Variants in PHF19 observed in about 807,000 individuals in gnomAD.
PHF19 encodes the protein PHD finger protein 19.
Under a neutral mutation model 79.8 loss-of-function variants are expected in PHF19, and 21 were observed. The observed-to-expected ratio is 0.26, with a 90% CI of 0.19 to 0.38. The LOEUF (loss-of-function observed/expected upper bound fraction) is 0.38. Ranked by LOEUF, PHF19 falls within the 10% of genes least tolerant of loss-of-function variation. The probability of loss-of-function intolerance (pLI) is 1.00; values close to 1 mark genes in which losing one functional copy is unlikely to be tolerated. For synonymous variants in PHF19, 273 were observed against 296.3 expected (o/e 0.92, Z 0.81); for missense variants, 445 against 744.2 (o/e 0.60, Z 4.68).
Position 120,866,453 on chromosome 9 carries a change from T to C in PHF19, c.711-357A>G, listed in dbSNP as rs1355231261. Among the ~76,000 whole-genome samples, 3 of 152,170 alleles carry C rather than the reference T, an allele frequency of 2.0e-5. No homozygotes were observed. The highest frequency in any genetic ancestry group is 6.5e-5 in the Admixed American group (1 of 15,282). On this transcript the variant is annotated intron_variant, in intron 7 of 14. Coordinates refer to ENST00000373896, the MANE Select transcript of PHF19 (RefSeq NM_015651.3). This position sits in a 1 kb window ranked among gnomAD's most constrained non-coding sequence, Gnocchi z 5.2. ...AACCAAAAGATGCATAACATCAGGT[T>C]TGACATCCATAAGGACTCCATTAGC... is the stretch of plus-strand genomic sequence containing the variant.
At chr9:120,858,496 C>T (rs1192051516) in intron 14 of PHF19, among the ~76,000 whole-genome samples, 1 of 152,088 alleles carries the variant, frequency 6.6e-6, no homozygotes, top group Non-Finnish European at 1.5e-5. Context: ...ATTATCTCAC[C>T]AGATCCTCAC....
the PHF19 span, among the ~76,000 whole-genome samples, chr9:120,900,880 T>C: frequency 6.6e-6 from 1 of 152,236 alleles, no homozygotes; most frequent in Non-Finnish European, 1.5e-5. Context: ...TTTTCTATAA[T>C]GAGTATGTGT....
Position 120,864,119 on chromosome 9 carries a change from G to A in PHF19, c.901-3C>T. The A allele has an allele frequency of 6.2e-7, 1 of 1,613,552 alleles. No individual in the cohort carries two copies. The highest frequency in any genetic ancestry group is 8.5e-7 in the Non-Finnish European group (1 of 1,179,680). Reference sequence around the variant, plus strand: ...TCTGTCACTGGGGTGCTGGTGAGCTGTGGGAGAGCAGGCCAGCAGGACATC... The same window carrying A: ...TCTGTCACTGGGGTGCTGGTGAGCTATGGGAGAGCAGGCCAGCAGGACATC... On this transcript the variant is annotated splice_polypyrimidine_tract_variant and splice_region_variant and intron_variant, in intron 9 of 14. Coordinates refer to ENST00000373896, the MANE Select transcript of PHF19 (RefSeq NM_015651.3).
chr9:120,858,306 G>T lies in PHF19; in HGVS notation c.1401-20C>A, dbSNP rs375013886. ...GTCCATCTGTATCAGAAGTGGGAGA[G>T]GAAGATGATGAGAATGAGGTAGAAC... On this transcript the variant is annotated intron_variant, in intron 14 of 14. Coordinates refer to ENST00000373896, the MANE Select transcript of PHF19 (RefSeq NM_015651.3). The T allele has an allele frequency of 6.7e-7, 1 of 1,498,056 alleles. No homozygotes were observed. Among genetic ancestry groups the T allele is most frequent in the South Asian group, 1.3e-5 (1 of 75,546 alleles). The allele number at this position is 1,498,056 out of a possible 1,614,324, so 92.8% of individuals were successfully genotyped here.
At chr9:120,901,318 G>A in the PHF19 span, among the ~76,000 whole-genome samples, 287 of 152,164 alleles carry the variant, frequency 1.9e-3, 1 homozygote, top group African/African-American at 6.6e-3. Flanking sequence ...TCTGCCTCCC[G>A]AGTAGCTGGG....
chr9:120,877,479 A>G (rs2046102855), upstream of PHF19, among the ~76,000 whole-genome samples: 1 of 147,386 alleles, frequency 6.8e-6, no homozygotes, highest in African/African-American at 2.5e-5. Flanking sequence ...CTCCGCGGCC[A>G]CTAGCCAGGA....
In PHF19 at chr9:120,857,782, G is replaced by A. The variant is rs970229891; in HGVS notation, c.*162C>T. 34 of 574,734 alleles carry A rather than the reference G, an allele frequency of 5.9e-5. No individual in the cohort carries two copies. The highest frequency in any genetic ancestry group is 4.5e-4 in the Middle Eastern group (1 of 2,214). The allele number at this position is 574,734 out of a possible 1,614,324, so 35.6% of individuals were successfully genotyped here. ...AACAGAGCTGGTACAGCAGAGAGACGCAGGCCTTGGCCTGGCAGGCAGGCA... is the reference window on the plus strand; with the variant it reads ...AACAGAGCTGGTACAGCAGAGAGACACAGGCCTTGGCCTGGCAGGCAGGCA... On this transcript the variant is annotated 3_prime_UTR_variant, in exon 15 of 15. Transcript: ENST00000373896.
rs201262292 is a variant in PHF19 at position 120,866,870 on chromosome 9, C to T, written c.710G>A (p.Arg237Gln). 26 of 1,585,432 alleles carry T rather than the reference C, an allele frequency of 1.6e-5. No individual in the cohort carries two copies. Among genetic ancestry groups the T allele is most frequent in the Non-Finnish European group, 2.0e-5 (23 of 1,153,958 alleles). Residue 237 changes from arginine to glutamine, a missense_variant and splice_region_variant, in exon 7 of 15, where the codon CGG becomes CAG. This residue lies in a region of PHF19 where 167 missense variants were observed against 375.8 expected (regional missense o/e 0.44). Transcript: ENST00000373896. This position sits in a 1 kb window ranked among gnomAD's most constrained non-coding sequence, Gnocchi z 5.2. ...CCACTTGGACCAAATTAGCACCTAC[C>T]GGTCTCCAAACATCATGGGCTCATT... ...CLNEPMMFGDRFYLFFCSVCN... is the reference protein window; with the variant it reads ...CLNEPMMFGDQFYLFFCSVCN...
At chr9:120,868,770 C>A in intron 6 of PHF19, 1 of 943,846 alleles carries the variant, frequency 1.1e-6, no homozygotes, top group Non-Finnish European at 1.3e-6. Context: ...CTCCTCCCCA[C>A]CCCGCCCCTC....
intron 1 of PHF19, among the ~76,000 whole-genome samples, chr9:120,886,252 C>T (rs768727168): frequency 3.9e-5 from 6 of 152,202 alleles, no homozygotes; most frequent in South Asian, 2.1e-4. Flanking sequence ...TTCTAACCAT[C>T]GGGGTCTGGG....
At position 120,861,937 on chromosome 9, in the gene PHF19, A is replaced by C; in HGVS notation, c.1199T>G (p.Leu400Arg). The C allele has an allele frequency of 6.2e-7, 1 of 1,612,008 alleles. No homozygotes were observed. Among genetic ancestry groups the C allele is most frequent in the Non-Finnish European group, 8.5e-7 (1 of 1,178,004 alleles). Residue 400 changes from leucine to arginine, a missense_variant, in exon 12 of 15, where the codon CTG becomes CGG. Transcript: ENST00000373896. ...ACTAACACTGGGAATAGCATCTTCC[A>C]GCAAAAACTTTGATCTTTTTCTTCT... is the stretch of plus-strand genomic sequence containing the variant. Reference protein sequence around the residue: ...VYRRKRSKFLLEDAIPSSDFT... With the variant: ...VYRRKRSKFLREDAIPSSDFT...
At chr9:120,899,182 C>A (rs1197459852), upstream of PHF19, among the ~76,000 whole-genome samples, 4 of 105,626 alleles carry the variant, frequency 3.8e-5, no homozygotes, top group African/African-American at 1.5e-4. Context: ...CTGGGCGACA[C>A]AACGAGACTC....
chr9:120,869,990 G>C lies in PHF19; in HGVS notation c.365-45C>G, dbSNP rs577808040. ...GGTGAGCGCCCACAAGGACATCGTG[G>C]CCCAAGGCCAGTTGGCCCAAAGGAG... On this transcript the variant is annotated intron_variant, in intron 4 of 14. Transcript: ENST00000373896. This position sits in a 1 kb window ranked among gnomAD's most constrained non-coding sequence, Gnocchi z 5.8. 1 of 1,541,774 alleles carries C rather than the reference G, an allele frequency of 6.5e-7. No homozygotes were observed. The highest frequency in any genetic ancestry group is 2.4e-5 in the East Asian group (1 of 40,966).
In PHF19 at chr9:120,862,989, T is replaced by C; in HGVS notation, c.969-240A>G. 2.0e-6 allele frequency: 1 copy of C among 506,912 alleles called. No individual in the cohort carries two copies. Among genetic ancestry groups the C allele is most frequent in the Non-Finnish European group, 3.6e-6 (1 of 280,636 alleles). The allele number at this position is 506,912 out of a possible 1,614,324, so 31.4% of individuals were successfully genotyped here. On this transcript the variant is annotated intron_variant, in intron 10 of 14. Transcript: ENST00000373896. This position sits in a 1 kb window ranked among gnomAD's most constrained non-coding sequence, Gnocchi z 4.6. ...CCTGCATGAGTGTGGTTCTTGCTGC[T>C]CTTCTCCCTTTTGTTTGCCTCAACC...
At chr9:120,889,778 A>G (rs2046316054) in intron 1 of PHF19, among the ~76,000 whole-genome samples, 1 of 145,570 alleles carries the variant, frequency 6.9e-6, no homozygotes, top group Non-Finnish European at 1.5e-5. Flanking sequence ...AGAAAGAAAG[A>G]AAAGAGAAAG....
In PHF19 at chr9:120,877,187, G is replaced by C. The variant is rs1217572917; in HGVS notation, c.-112C>G. The C allele has an allele frequency of 2.0e-6, 2 of 983,438 alleles. No individual in the cohort carries two copies. The highest frequency in any genetic ancestry group is 2.4e-6 in the Non-Finnish European group (2 of 828,936). The allele number at this position is 983,438 out of a possible 1,614,324, so 60.9% of individuals were successfully genotyped here. On this transcript the variant is annotated 5_prime_UTR_variant, in exon 1 of 15. Transcript: ENST00000373896. ...GCTCGGCCCGCGGCTGCCCGGCCGA[G>C]TGTCCGCCCGTGGGGCCGGGGTCGG...
intron 3 of PHF19, among the ~76,000 whole-genome samples, chr9:120,871,838 G>C (rs1232258729): frequency 6.6e-6 from 1 of 151,840 alleles, no homozygotes; most frequent in African/African-American, 2.4e-5. Context: ...ACGAGTTCGA[G>C]ACCAGCCTGC....
the PHF19 span, among the ~76,000 whole-genome samples, chr9:120,902,182 C>A: frequency 3.9e-5 from 6 of 152,286 alleles, no homozygotes; most frequent in Non-Finnish European, 8.8e-5. Flanking sequence ...TACATTAGAA[C>A]CCCCTGCGGA....
At chr9:120,886,970 G>A (rs1418589945) in intron 1 of PHF19, among the ~76,000 whole-genome samples, 1 of 151,696 alleles carries the variant, frequency 6.6e-6, no homozygotes, top group East Asian at 1.9e-4. Flanking sequence ...GGAGGCTGAG[G>A]CAGGAGAATT....
Sources: gnomAD v4.1 joint callset for allele counts (sites outside exome capture counted in the v4.1 genomes callset) on GRCh38, gnomAD v4.1.1 for gene constraint, gnomAD v4.1.1 regional missense constraint, Gnocchi (gnomAD v3.1) non-coding constraint, MANE v1.5 for transcripts, NCBI Gene and HGNC (gene_info 2026-07-23, HGNC 2026-07-21) for gene names.